The following DMGDH variants were observed in gnomAD, a reference collection of about 807,000 sequenced individuals.
DMGDH encodes dimethylglycine dehydrogenase, also known as dimethylglycine dehydrogenase, mitochondrial.
A neutral mutation model predicts 95.2 loss-of-function variants in DMGDH; 76 were observed. The ratio of observed to expected loss-of-function variants is 0.80; its 90% CI spans 0.66 to 0.97. The LOEUF is 0.97. DMGDH is among the 50% of genes least tolerant of loss of function. The pLI, the probability that DMGDH is intolerant of heterozygous loss-of-function variation, is 0.00. For missense variants in DMGDH, 987 were observed against 1,055.0 expected (o/e 0.94, Z 0.89); for synonymous variants, 345 against 377.6 (o/e 0.91, Z 1.00).
intron 7 of DMGDH, among the ~76,000 whole-genome samples, chr5:79,038,126 G>T (rs1369318164): frequency 2.6e-5 from 4 of 152,158 alleles, no homozygotes; most frequent in Non-Finnish European, 4.4e-5. Flanking sequence ...GAACAAAGTT[G>T]GAGGATTCAT....
intron 15 of DMGDH, among the ~76,000 whole-genome samples, chr5:79,004,708 G>C (rs1753514382): frequency 6.6e-6 from 1 of 152,160 alleles, no homozygotes; most frequent in Admixed American, 6.5e-5. Context: ...ACTAACTCTG[G>C]TTTTACTGAA....
chr5:79,031,031 T>C (rs1754159482), intron 9 of DMGDH, 33 bp from the exon 10 acceptor site: 3 of 1,613,002 alleles, frequency 1.9e-6, no homozygotes, highest in Middle Eastern at 1.7e-4. Context: ...ATAAAACAAC[T>C]CCCGTTCATT....
At chr5:79,027,536 G>C (rs1335341920) in intron 12 of DMGDH, among the ~76,000 whole-genome samples, 14 of 152,220 alleles carry the variant, frequency 9.2e-5, no homozygotes, top group Admixed American at 9.2e-4. Context: ...CAGTACTCCT[G>C]TGAGAGACAA....
In DMGDH at chr5:79,054,211, C is replaced by A. The variant is rs1754952303; in HGVS notation, c.513G>T (p.Glu171Asp). Reference sequence around the variant, plus strand: ...TATTCATGTTGAGTAAAGGGAACATCTCTTGAATTTTTTCAGGTTCAATGA... The same window carrying A: ...TATTCATGTTGAGTAAAGGGAACATATCTTGAATTTTTTCAGGTTCAATGA... ...QYLIEPEKIQ[E>D]MFPLLNMNKV... Residue 171 changes from glutamate (E) to aspartate (D), a missense_variant, in exon 4 of 16, where the codon GAG (glutamate) becomes GAT (aspartate). Glu to Asp is a conservative substitution (Grantham distance 45). Coordinates refer to ENST00000255189, the MANE Select transcript of DMGDH (RefSeq NM_013391.3). 1 of 1,614,086 alleles carries A rather than the reference C, an allele frequency of 6.2e-7. No homozygotes were observed. The highest frequency in any genetic ancestry group is 8.5e-7 in the Non-Finnish European group (1 of 1,180,002).
chr5:79,053,251 C>A (rs982432452), intron 4 of DMGDH, among the ~76,000 whole-genome samples: 2 of 152,152 alleles, frequency 1.3e-5, no homozygotes, highest in African/African-American at 4.8e-5. Context: ...CACCTGGGCT[C>A]AAGAGATCCT....
At chr5:79,053,407 C>A (rs1341982683) in intron 4 of DMGDH, among the ~76,000 whole-genome samples, 1 of 152,126 alleles carries the variant, frequency 6.6e-6, no homozygotes, top group African/African-American at 2.4e-5. Context: ...CTCAAGCAAT[C>A]CCCCCACCTT....
chr5:79,048,475 A>T (rs1754743715), intron 5 of DMGDH, among the ~76,000 whole-genome samples: 1 of 152,136 alleles, frequency 6.6e-6, no homozygotes, highest in Non-Finnish European at 1.5e-5. Flanking sequence ...CTTTAATCAT[A>T]TTTCAGTGCT....
intron 2 of DMGDH, among the ~76,000 whole-genome samples, chr5:79,063,051 C>T (rs1755256852): frequency 6.6e-6 from 1 of 151,896 alleles, no homozygotes; most frequent in Non-Finnish European, 1.5e-5. Context: ...GAGATCGCGC[C>T]ATTGCACTCC....
At chr5:79,033,645 G>A (rs79883372) in intron 7 of DMGDH, among the ~76,000 whole-genome samples, 145 of 152,230 alleles carry the variant, frequency 9.5e-4, no homozygotes, top group African/African-American at 3.3e-3. Context: ...GTACACCTGC[G>A]AAATAGCTCC....
intron 12 of DMGDH, among the ~76,000 whole-genome samples, chr5:79,028,025 A>C (rs990301857): frequency 6.6e-6 from 1 of 151,884 alleles, no homozygotes; most frequent in Non-Finnish European, 1.5e-5. Flanking sequence ...TTTTCAGTAG[A>C]AACGGGGTTT....
chr5:79,004,014 G>A (rs1417052060), intron 15 of DMGDH, among the ~76,000 whole-genome samples: 1 of 151,822 alleles, frequency 6.6e-6, no homozygotes, highest in Non-Finnish European at 1.5e-5. Context: ...CATCAACAGA[G>A]ACAGAAAAGA....
Position 79,055,899 on chromosome 5 carries a change from T to C in DMGDH, c.286A>G (p.Thr96Ala). Residue 96 changes from threonine to alanine, a missense_variant, in exon 3 of 16, where the codon ACA becomes GCA. By Grantham distance (58) the Thr-to-Ala change is moderately conservative (BLOSUM62 0). Coordinates refer to ENST00000255189, the MANE Select transcript of DMGDH (RefSeq NM_013391.3). ...TTTATTCCAGGATGAAAGTAAGTTGTTAAACCTGCCTTAAAAGCAGAGAGG... is the reference window on the plus strand; with the variant it reads ...TTTATTCCAGGATGAAAGTAAGTTGCTAAACCTGCCTTAAAAGCAGAGAGG... ...AGSTWHAAGL[T>A]TYFHPGINLK... 1 of 1,605,502 alleles carries C rather than the reference T, an allele frequency of 6.2e-7. No homozygotes were observed. The highest frequency in any genetic ancestry group is 8.5e-7 in the Non-Finnish European group (1 of 1,172,274).
intron 6 of DMGDH, 47 bp downstream of exon 6, chr5:79,044,257 G>A: frequency 1.9e-6 from 3 of 1,613,682 alleles, no homozygotes; most frequent in Non-Finnish European, 2.5e-6. Context: ...TGGAGAGGAT[G>A]AACCATTCAT....
At chr5:79,052,698 T>A (rs185144086) in intron 4 of DMGDH, among the ~76,000 whole-genome samples, 1 of 152,206 alleles carries the variant, frequency 6.6e-6, no homozygotes, top group East Asian at 1.9e-4. Flanking sequence ...TAGTGAGGAG[T>A]TCCAGCAAAG....
intron 5 of DMGDH, among the ~76,000 whole-genome samples, chr5:79,049,693 G>A (rs759774008): frequency 4.6e-5 from 7 of 152,178 alleles, no homozygotes; most frequent in Admixed American, 2.6e-4. Context: ...AGATTCCTAA[G>A]GACATTAAGA....
At chr5:79,030,346 T>C (rs1435368861) in intron 10 of DMGDH, among the ~76,000 whole-genome samples, 1 of 152,118 alleles carries the variant, frequency 6.6e-6, no homozygotes. Flanking sequence ...TCAACAAAAA[T>C]TTAAATTTGA....
chr5:79,026,345 A>G, intron 13 of DMGDH, 79 bp downstream of exon 13: 1 of 1,565,414 alleles, frequency 6.4e-7, no homozygotes, highest in Non-Finnish European at 8.8e-7. Flanking sequence ...AACCAATGTT[A>G]TTGCAGTTCA....
At chr5:79,006,749 T>C (rs661620) in intron 14 of DMGDH, among the ~76,000 whole-genome samples, 71,672 of 151,984 alleles carry the variant, frequency 0.47, 17,709 homozygotes, top group African/African-American at 0.62. Context: ...ACTTACACAG[T>C]TCTTTCTGCA....
chr5:79,032,535 A>T, intron 9 of DMGDH, 152 bp downstream of exon 9: 1 of 1,096,832 alleles, frequency 9.1e-7, no homozygotes, highest in Non-Finnish European at 1.4e-6. Flanking sequence ...GACTAATGCC[A>T]CCACTGCCAG....
Sources: gnomAD v4.1 joint callset for allele counts (sites outside exome capture counted in the v4.1 genomes callset) on GRCh38, gnomAD v4.1.1 for gene constraint, MANE v1.5 for transcripts, NCBI Gene and HGNC (gene_info 2026-07-23, HGNC 2026-07-21) for gene names.